Variants in NOS1 observed in about 807,000 individuals in gnomAD.
NOS1 encodes nitric oxide synthase 1.
Under a neutral mutation model 164.5 loss-of-function variants are expected in NOS1, and 51 were observed. The observed-to-expected ratio is 0.31, with a 90% CI of 0.25 to 0.39. The LOEUF (loss-of-function observed/expected upper bound fraction) is 0.39. Ranked by LOEUF, NOS1 falls within the 10% of genes least tolerant of loss-of-function variation. The pLI is 1.00. For synonymous variants in NOS1, 719 were observed against 745.8 expected (o/e 0.96, Z 0.59); for missense variants, 1,362 against 1,885.6 (o/e 0.72, Z 5.14).
At chr12:117,326,654 G>A (rs372777069) in intron 2 of NOS1, among the ~76,000 whole-genome samples, 15 of 152,318 alleles carry the variant, frequency 9.8e-5, no homozygotes, top group African/African-American at 3.6e-4. Flanking sequence ...TAGTGGGAGG[G>A]CCGCAAGGGA....
chr12:117,352,854 A>C (rs1876687947), intron 1 of NOS1, among the ~76,000 whole-genome samples: 1 of 152,204 alleles, frequency 6.6e-6, no homozygotes, highest in African/African-American at 2.4e-5. Context: ...AACATGGAGG[A>C]AAGTTGAAAG....
chr12:117,283,061 T>G (rs58084559), intron 7 of NOS1, among the ~76,000 whole-genome samples: 5 of 142,000 alleles, frequency 3.5e-5, no homozygotes, highest in Non-Finnish European at 6.1e-5. Flanking sequence ...TATATATTTT[T>G]TTTTTTTTTT....
At chr12:117,260,132 A>C (rs1329071369) in intron 14 of NOS1, among the ~76,000 whole-genome samples, 4 of 142,134 alleles carry the variant, frequency 2.8e-5, no homozygotes, top group African/African-American at 9.2e-5. Context: ...AAAAAAAAAA[A>C]ACAAAAAACA....
At position 117,290,336 on chromosome 12, in the gene NOS1, C is replaced by G; in HGVS notation, c.943G>C (p.Val315Leu). The stretch of plus-strand genomic sequence containing the variant: ...AGGTGGAGGGTGTCAGTGAGAACCA[C>G]CTCAGTCTCCCAGTTCTTGACCTTG... ...FLKVKNWETE[V>L]VLTDTLHLKS... The change falls in exon 4 of 29, where the codon GTG becomes CTG. Residue 315 changes from valine to leucine, a missense_variant. Around this residue, in one of 4 missense-constraint regions of NOS1, gnomAD observed 129 missense variants for 186.0 expected, o/e 0.69. Transcript: ENST00000317775. The G allele has an allele frequency of 1.2e-6, 2 of 1,614,110 alleles. No individual in the cohort carries two copies. The highest frequency in any genetic ancestry group is 1.7e-6 in the Non-Finnish European group (2 of 1,180,006).
rs1333715007 is a variant in NOS1, at chr12:117,272,364, G to A, written c.1839+21C>T. ...CTCTGCTATGTGCTTTTCCCCTGTG[G>A]TGACCAGAGAGGGCCCTTACCTCCA... On this transcript the variant is annotated intron_variant, in intron 10 of 28. Coordinates refer to ENST00000317775, the MANE Select transcript of NOS1 (RefSeq NM_000620.5). The surrounding 1 kb of genome is among the most constrained non-coding windows in gnomAD (Gnocchi z 4.3). 1.2e-6 allele frequency: 2 copies of A among 1,613,900 alleles called. No individual in the cohort carries two copies. The highest frequency in any genetic ancestry group is 1.7e-6 in the Non-Finnish European group (2 of 1,179,834).
chr12:117,221,558 A>G (rs1448797592), intron 26 of NOS1, among the ~76,000 whole-genome samples: 1 of 152,072 alleles, frequency 6.6e-6, no homozygotes, highest in Non-Finnish European at 1.5e-5. Flanking sequence ...TGCTGGGATT[A>G]CAGGTGTGAA....
chr12:117,242,017 G>T (rs900687916), intron 20 of NOS1, among the ~76,000 whole-genome samples: 2 of 152,220 alleles, frequency 1.3e-5, no homozygotes, highest in Admixed American at 1.3e-4. Flanking sequence ...CTATTTCCAG[G>T]TCTTTCATTT....
In NOS1 at chr12:117,213,558, C is replaced by T; in HGVS notation, c.*1751G>A. 1.0e-6 allele frequency: 1 copy of T among 985,484 alleles called. No homozygotes were observed. Among genetic ancestry groups the T allele is most frequent in the African/African-American group, 1.7e-5 (1 of 57,372 alleles). The allele number at this position is 985,484 out of a possible 1,614,324, so 61.0% of individuals were successfully genotyped here. A position where few individuals can be genotyped will look rare whatever the true frequency, so the allele number is the denominator to read the frequency against. On this transcript the variant is annotated 3_prime_UTR_variant, in exon 29 of 29. Transcript: ENST00000317775. ...TAGATTGCCTTTTCACTTTAACAGT[C>T]TCCTGGCCTGGGCCCTTTGGGGTCT...
intron 17 of NOS1, among the ~76,000 whole-genome samples, chr12:117,251,474 G>A (rs776983042): frequency 8.6e-5 from 13 of 151,910 alleles, no homozygotes; most frequent in South Asian, 4.2e-4. Flanking sequence ...TAGTAGTAGC[G>A]TGATCATGGC....
intron 21 of NOS1, among the ~76,000 whole-genome samples, chr12:117,233,808 CA>C (rs374050465): frequency 0.17 from 9,889 of 57,182 alleles, 364 homozygotes; most frequent in Admixed American, 0.32. Flanking sequence ...AAGTCTGTCT[CA>C]AAAAAAAAAA....
intron 1 of NOS1, among the ~76,000 whole-genome samples, chr12:117,353,297 G>A (rs1322637393): frequency 6.6e-6 from 1 of 151,408 alleles, no homozygotes; most frequent in Non-Finnish European, 1.5e-5. Context: ...CTATCTATCT[G>A]TCTATCTATC....
At chr12:117,253,574 T>C (rs1871239855) in intron 17 of NOS1, 64 bp downstream of exon 17, 5 of 1,069,824 alleles carry the variant, frequency 4.7e-6, no homozygotes, top group East Asian at 2.4e-5. Context: ...ACTTTGTAAG[T>C]AGGTCAAGCT....
intron 28 of NOS1, among the ~76,000 whole-genome samples, chr12:117,217,788 A>G (rs1956635042): frequency 6.6e-6 from 1 of 152,128 alleles, no homozygotes; most frequent in Non-Finnish European, 1.5e-5. Flanking sequence ...CAAAGCAGGC[A>G]TTTCCTCCCA....
At chr12:117,361,359 TCCCCA>T (rs1412299804) in intron 1 of NOS1, among the ~76,000 whole-genome samples, 148 bp downstream of exon 1, 2 of 129,280 alleles carry the variant, frequency 1.5e-5, no homozygotes, top group East Asian at 4.5e-4. Flanking sequence ...CCAAGATCCC[TCCCCA>T]CCCCCTCTCC....
intron 4 of NOS1, among the ~76,000 whole-genome samples, chr12:117,288,827 A>C (rs1460681609): frequency 6.6e-6 from 1 of 152,154 alleles, no homozygotes; most frequent in East Asian, 1.9e-4. Flanking sequence ...AGCCCAAGCT[A>C]GCTTGCTGGA....
chr12:117,277,025 T>A (rs1045498473), intron 9 of NOS1, among the ~76,000 whole-genome samples: 12 of 152,160 alleles, frequency 7.9e-5, no homozygotes, highest in African/African-American at 2.9e-4. Context: ...CTGGATCATA[T>A]GGTAGCTCAA....
chr12:117,350,959 A>G (rs1367634313), intron 1 of NOS1, among the ~76,000 whole-genome samples: 1 of 152,058 alleles, frequency 6.6e-6, no homozygotes, highest in Non-Finnish European at 1.5e-5. Context: ...TAAAAATACA[A>G]AAAAATTAGC....
In NOS1 at chr12:117,212,063, CA is replaced by C. The variant is rs763292576; in HGVS notation, c.*3245del. ...CCTGGGTGACAGAGCAAGACTCTGTCAAAAAAAAAAATAGATTCTAACCTTC... is the reference window on the plus strand; with the variant it reads ...CCTGGGTGACAGAGCAAGACTCTGTCAAAAAAAAAATAGATTCTAACCTTC... On this transcript the variant is annotated 3_prime_UTR_variant, in exon 29 of 29. Transcript: ENST00000317775. 10,085 of 716,936 alleles carry C rather than the reference CA, an allele frequency of 0.014. 1 individual carries two copies. Among genetic ancestry groups the C allele is most frequent in the Non-Finnish European group, 0.016 (9,297 of 592,864 alleles). 44.4% of individuals were successfully genotyped at this position (716,936 alleles called of 1,614,324 possible).
At chr12:117,353,134 A>G (rs150395107) in intron 1 of NOS1, among the ~76,000 whole-genome samples, 2 of 152,028 alleles carry the variant, frequency 1.3e-5, no homozygotes, top group East Asian at 1.9e-4. Flanking sequence ...GTACCTATCT[A>G]TCTACCTACC....
Sources: gnomAD v4.1 joint callset for allele counts (sites outside exome capture counted in the v4.1 genomes callset) on GRCh38, gnomAD v4.1.1 for gene constraint, gnomAD v4.1.1 regional missense constraint, Gnocchi (gnomAD v3.1) non-coding constraint, MANE v1.5 for transcripts, NCBI Gene and HGNC (gene_info 2026-07-23, HGNC 2026-07-21) for gene names.